The following SLX4IP variants were observed in gnomAD, a reference collection of about 807,000 sequenced individuals.
SLX4IP encodes the protein SLX4 interacting protein, also known as protein SLX4IP.
SLX4IP carries 34 observed loss-of-function variants against 32.9 expected under a neutral mutation model. The observed-to-expected ratio is 1.03, with a 90% CI of 0.79 to 1.38. The LOEUF (loss-of-function observed/expected upper bound fraction) is 1.38. Ranked by LOEUF, SLX4IP falls within the 40% of genes most tolerant of loss-of-function variation. SLX4IP has a pLI of 0.00. For synonymous variants in SLX4IP, 172 were observed against 171.7 expected (o/e 1.00, Z -0.01); for missense variants, 444 against 479.0 (o/e 0.93, Z 0.68).
chr20:10,508,782 T>TTTA (rs553273458), intron 2 of SLX4IP, among the ~76,000 whole-genome samples: 55 of 152,330 alleles, frequency 3.6e-4, no homozygotes, highest in African/African-American at 1.3e-3. Flanking sequence ...TTTCTCACTC[T>TTTA]TTATTTATGA....
rs1373127641 is a variant in SLX4IP at position 10,626,956 on chromosome 20, C to T, written c.*3577C>T. On this transcript the variant is annotated 3_prime_UTR_variant, in exon 8 of 8. Coordinates refer to ENST00000334534, the MANE Select transcript of SLX4IP (RefSeq NM_001009608.3). ...TGTTGGTGTCATGTTTGGATTTTAG[C>T]ATGGTTTGTTATGCATGTCAGTGGC... 1.3e-5 allele frequency: 2 copies of T among 152,182 alleles called. No homozygotes were observed. Among genetic ancestry groups the T allele is most frequent in the East Asian group, 3.8e-4 (2 of 5,198 alleles). 9.4% of individuals were successfully genotyped at this position (152,182 alleles called of 1,614,324 possible).
chr20:10,452,841 ACT>A (rs1020165528), intron 1 of SLX4IP, among the ~76,000 whole-genome samples: 1 of 151,354 alleles, frequency 6.6e-6, no homozygotes, highest in Non-Finnish European at 1.5e-5. Flanking sequence ...ACAAAGTGAG[ACT>A]CTGTCTCAGA....
intron 2 of SLX4IP, among the ~76,000 whole-genome samples, chr20:10,494,389 T>C (rs2065650006): frequency 6.7e-6 from 1 of 150,356 alleles, no homozygotes; most frequent in African/African-American, 2.4e-5. Context: ...ATTATATTTA[T>C]ATTATTATAA....
At chr20:10,548,300 A>G (rs914806214) in intron 2 of SLX4IP, among the ~76,000 whole-genome samples, 7 of 149,118 alleles carry the variant, frequency 4.7e-5, no homozygotes, top group Admixed American at 2.7e-4. Context: ...GTGCAGTGGC[A>G]TGATCTCGGC....
At position 10,595,995 on chromosome 20, in the gene SLX4IP, G is replaced by C. The variant is rs563136278; in HGVS notation, c.239-2680G>C. Among the ~76,000 whole-genome samples the C allele has an allele frequency of 1.5e-4, 23 of 152,256 alleles. 1 individual carries two copies. Among genetic ancestry groups the C allele is most frequent in the Non-Finnish European group, 1.8e-4 (12 of 68,016 alleles). ...TTCTGTCCTGGGGTGGGAGGTGTAG[G>C]GGTCAAGGTTTCAATAAACTCATTT... On this transcript the variant is annotated intron_variant, in intron 4 of 7. Coordinates refer to ENST00000334534, the MANE Select transcript of SLX4IP (RefSeq NM_001009608.3).
rs1331178387 is a variant in SLX4IP at position 10,479,498 on chromosome 20, G to T, written c.27+21267G>T. On this transcript the variant is annotated intron_variant, in intron 2 of 7. Coordinates refer to ENST00000334534, the MANE Select transcript of SLX4IP (RefSeq NM_001009608.3). ...CTCCTGAGTAGCTGAGACTACAGGC[G>T]TGCACCACCACGCTCAGCTAATTTT... Among the ~76,000 whole-genome samples the T allele has an allele frequency of 1.9e-4, 29 of 151,186 alleles. 2 individuals are homozygous for T. The South Asian group carries it at 3.1e-3, about 16-fold the overall frequency.
chr20:10,574,996 G>A lies in SLX4IP; in HGVS notation c.238+14176G>A, dbSNP rs1006962224. On this transcript the variant is annotated intron_variant, in intron 4 of 7. Coordinates refer to ENST00000334534, the MANE Select transcript of SLX4IP (RefSeq NM_001009608.3). ...CCGCAAGACTTTTTTTTAATGAGTT[G>A]TTCCAGTTAGCTCAGAGCCCTGCCC... Among the ~76,000 whole-genome samples the A allele has an allele frequency of 7.2e-5, 11 of 152,038 alleles. No individual in the cohort carries two copies. The East Asian group carries it at 2.1e-3, about 29-fold the overall frequency.
chr20:10,617,108 A>C (rs547531572), intron 6 of SLX4IP, among the ~76,000 whole-genome samples: 26 of 152,344 alleles, frequency 1.7e-4, no homozygotes, highest in African/African-American at 6.3e-4. Context: ...AACCTAGAAC[A>C]TTTTTAAACA....
intron 2 of SLX4IP, among the ~76,000 whole-genome samples, chr20:10,469,957 C>T (rs960937323): frequency 4.6e-5 from 7 of 152,154 alleles, no homozygotes; most frequent in South Asian, 2.1e-4. Context: ...ACAGTCCCAA[C>T]GACGAAAACT....
chr20:10,519,712 G>A (rs192553553), intron 2 of SLX4IP, among the ~76,000 whole-genome samples: 192 of 152,254 alleles, frequency 1.3e-3, no homozygotes, highest in Non-Finnish European at 2.0e-3. Context: ...ATTCTTACAT[G>A]CTTTCATTTA....
intron 2 of SLX4IP, among the ~76,000 whole-genome samples, chr20:10,553,506 T>C (rs927665481): frequency 2.6e-5 from 4 of 152,224 alleles, no homozygotes; most frequent in African/African-American, 7.2e-5. Flanking sequence ...GAAAGGTTAA[T>C]ATTCCGTGGC....
intron 4 of SLX4IP, among the ~76,000 whole-genome samples, chr20:10,573,960 T>G (rs1009594195): frequency 6.6e-6 from 1 of 152,242 alleles, no homozygotes; most frequent in Non-Finnish European, 1.5e-5. Flanking sequence ...CAACAAAGAT[T>G]ATTTTTTCAG....
At chr20:10,538,638 G>A (rs1352820469) in intron 2 of SLX4IP, among the ~76,000 whole-genome samples, 1 of 151,618 alleles carries the variant, frequency 6.6e-6, no homozygotes, top group East Asian at 1.9e-4. Context: ...CGATTCTCCT[G>A]CCTCAGGCTC....
intron 2 of SLX4IP, among the ~76,000 whole-genome samples, chr20:10,505,487 C>T (rs921786056): frequency 2.8e-4 from 43 of 152,212 alleles, no homozygotes; most frequent in Admixed American, 9.2e-4. Flanking sequence ...GAACTTAGGG[C>T]CCCTCCTCTG....
chr20:10,438,477 T>G (rs1013490908), intron 1 of SLX4IP, among the ~76,000 whole-genome samples: 26 of 144,500 alleles, frequency 1.8e-4, no homozygotes, highest in African/African-American at 6.2e-4. Context: ...TGTGTGTTTT[T>G]TTTTTTTTTT....
chr20:10,480,195 C>A (rs1369704773), intron 2 of SLX4IP, among the ~76,000 whole-genome samples: 1 of 152,054 alleles, frequency 6.6e-6, no homozygotes, highest in Non-Finnish European at 1.5e-5. Context: ...GAGTCTGAGA[C>A]CAGCCTGGGC....
chr20:10,618,803 G>A (rs968213294), intron 6 of SLX4IP, among the ~76,000 whole-genome samples: 4 of 152,202 alleles, frequency 2.6e-5, no homozygotes, highest in Admixed American at 2.0e-4. Context: ...TTGGCGTTGT[G>A]CCTCCGGATA....
chr20:10,459,221 C>T lies in SLX4IP; in HGVS notation c.27+990C>T, dbSNP rs370514973. ...TTTAATGGCGTCATTTGTTTTTTTT[C>T]TTGTAAGTTTGTTTAAGTTCCTTGT... On this transcript the variant is annotated intron_variant, in intron 2 of 7. Transcript: ENST00000334534. Among the ~76,000 whole-genome samples, 266 of 151,318 alleles carry T rather than the reference C, an allele frequency of 1.8e-3. 2 individuals carry two copies. The highest frequency in any genetic ancestry group is 5.9e-3 in the African/African-American group (241 of 41,170).
intron 4 of SLX4IP, among the ~76,000 whole-genome samples, chr20:10,575,469 T>A (rs1039743449): frequency 9.2e-5 from 14 of 152,134 alleles, no homozygotes; most frequent in Non-Finnish European, 1.8e-4. Flanking sequence ...TTTGACACAT[T>A]CCAGGTGAAG....
Sources: allele counts gnomAD v4.1 joint callset (sites outside exome capture counted in the v4.1 genomes callset), GRCh38; gene constraint gnomAD v4.1.1; transcripts MANE v1.5; gene names NCBI Gene and HGNC (gene_info 2026-07-23, HGNC 2026-07-21).